PTHLH: variants seen among roughly 807,000 people sequenced by gnomAD.
The protein encoded by PTHLH is parathyroid hormone like hormone, also known as parathyroid hormone-related protein.
Under a neutral mutation model 18.6 loss-of-function variants are expected in PTHLH, and 5 were observed. The ratio of observed to expected loss-of-function variants is 0.27; its 90% confidence interval spans 0.14 to 0.56. The LOEUF (loss-of-function observed/expected upper bound fraction) is 0.56, where lower values mean the gene tolerates loss of function less well. Ranked by LOEUF, PTHLH falls within the 20% of genes least tolerant of loss-of-function variation. The pLI, the probability that PTHLH is intolerant of heterozygous loss-of-function variation, is 0.92. For missense variants in PTHLH, 207 were observed against 223.9 expected, an observed-to-expected ratio of 0.92 and a Z score of 0.48; for synonymous variants, 90 against 94.0, an observed-to-expected ratio of 0.96 and a Z score of 0.25.
chr12:27,958,539 G>C lies in PTHLH; in HGVS notation c.*20C>G. The stretch of plus-strand genomic sequence containing the variant: ...TACAGAATCCTGCAATATGTCCTTG[G>C]AAGGTCTCTGCTGAAAATTTCAATG... On this transcript the variant is annotated 3_prime_UTR_variant, in exon 6 of 6. Transcript: ENST00000545234. 1 of 1,570,338 alleles carries C rather than the reference G, an allele frequency of 6.4e-7. No homozygotes were observed. Among genetic ancestry groups the C allele is most frequent in the Non-Finnish European group, 8.7e-7 (1 of 1,154,952 alleles).
At position 27,970,172 on chromosome 12, in the gene PTHLH, C is replaced by G. The variant is rs867840447; in HGVS notation, c.-170G>C. ...CCGGAGCGGCAGGGAGGCGGCAGCC[C>G]CGCTTCACGGGCGGGGAGACATGCT... On this transcript the variant is annotated 5_prime_UTR_variant, in exon 3 of 6. Coordinates refer to ENST00000545234, the MANE Select transcript of PTHLH (RefSeq NM_198965.2). 1.2e-5 allele frequency: 6 copies of G among 516,208 alleles called. No individual in the cohort carries two copies. The Middle Eastern group carries it at 1.4e-3, about 123-fold the overall frequency. The allele number at this position is 516,208 out of a possible 1,614,324, so 32.0% of individuals were successfully genotyped here.
chr12:27,962,633 A>G (rs967139051), intron 5 of PTHLH: 1 of 985,312 alleles, frequency 1.0e-6, no homozygotes, highest in African/African-American at 1.7e-5. Context: ...TAGAAAAATT[A>G]TTTCATCTTG....
Position 27,970,189 on chromosome 12 carries a change from A to G in PTHLH, c.-187T>C. On this transcript the variant is annotated 5_prime_UTR_variant, in exon 3 of 6. Transcript: ENST00000545234. ...CGGCAGCCCCGCTTCACGGGCGGGG[A>G]GACATGCTGGCCGGGCGGCGCAGGT... 1 of 512,616 alleles carries G rather than the reference A, an allele frequency of 2.0e-6. No homozygotes were observed. The highest frequency in any genetic ancestry group is 2.0e-5 in the Admixed American group (1 of 51,252). The allele number at this position is 512,616 out of a possible 1,614,324, so 31.8% of individuals were successfully genotyped here. A position where few individuals can be genotyped will look rare whatever the true frequency, so the allele number is the denominator to read the frequency against.
At chr12:27,968,004 A>C (rs746500776) in intron 4 of PTHLH, among the ~76,000 whole-genome samples, 2 of 152,242 alleles carry the variant, frequency 1.3e-5, no homozygotes, top group Non-Finnish European at 2.9e-5. Context: ...CCAAATAAAT[A>C]TAGTATTTAA....
chr12:27,960,003 A>G (rs1191531255), intron 5 of PTHLH, among the ~76,000 whole-genome samples: 1 of 152,256 alleles, frequency 6.6e-6, no homozygotes, highest in African/African-American at 2.4e-5. Context: ...CCTCAGAAAG[A>G]AAGAAAAAGA....
intron 4 of PTHLH, among the ~76,000 whole-genome samples, chr12:27,967,824 T>C (rs1218472382): frequency 6.6e-6 from 1 of 152,180 alleles, no homozygotes; most frequent in Non-Finnish European, 1.5e-5. Flanking sequence ...TTTTGTAAGG[T>C]GCAACAAAGA....
chr12:27,964,226 C>A (rs542248347), intron 4 of PTHLH, among the ~76,000 whole-genome samples: 1 of 137,034 alleles, frequency 7.3e-6, no homozygotes, highest in South Asian at 2.5e-4. Flanking sequence ...GCTGCTTTTA[C>A]CTGAGTATTC....
Position 27,970,159 on chromosome 12 carries a change from G to A in PTHLH, c.-157C>T. 2 of 517,350 alleles carry A rather than the reference G, an allele frequency of 3.9e-6. No homozygotes were observed. The highest frequency in any genetic ancestry group is 7.7e-6 in the Non-Finnish European group (2 of 259,382). 32.0% of individuals were successfully genotyped at this position (517,350 alleles called of 1,614,324 possible). A position where few individuals can be genotyped will look rare whatever the true frequency, so the allele number is the denominator to read the frequency against. On this transcript the variant is annotated 5_prime_UTR_variant, in exon 3 of 6. Coordinates refer to ENST00000545234, the MANE Select transcript of PTHLH (RefSeq NM_198965.2). ...TCGTTAGTGGCAGCCGGAGCGGCAGGGAGGCGGCAGCCCCGCTTCACGGGC... is the reference window on the plus strand; with the variant it reads ...TCGTTAGTGGCAGCCGGAGCGGCAGAGAGGCGGCAGCCCCGCTTCACGGGC...
At chr12:27,960,115 A>G (rs987383823) in intron 5 of PTHLH, among the ~76,000 whole-genome samples, 3 of 152,204 alleles carry the variant, frequency 2.0e-5, no homozygotes, top group African/African-American at 7.2e-5. Flanking sequence ...AGAGGCATGT[A>G]TTGGAATAGC....
intron 5 of PTHLH, chr12:27,961,668 A>G (rs1467598333): frequency 2.7e-6 from 1 of 366,876 alleles, no homozygotes; most frequent in African/African-American, 2.1e-5. Flanking sequence ...TTAGAGATCC[A>G]TTAGATGTTT....
intron 5 of PTHLH, among the ~76,000 whole-genome samples, chr12:27,960,943 C>T (rs2062747921): frequency 1.3e-5 from 2 of 151,984 alleles, no homozygotes. Flanking sequence ...CTCATCAATA[C>T]ACTCCTAAGC....
chr12:27,970,140 G>A lies in PTHLH; in HGVS notation c.-138C>T. ...AGGTGGCGGCGAGGGCGGGTCGTTAGTGGCAGCCGGAGCGGCAGGGAGGCG... is the reference window on the plus strand; with the variant it reads ...AGGTGGCGGCGAGGGCGGGTCGTTAATGGCAGCCGGAGCGGCAGGGAGGCG... On this transcript the variant is annotated 5_prime_UTR_variant, in exon 3 of 6. Transcript: ENST00000545234. 1 of 518,468 alleles carries A rather than the reference G, an allele frequency of 1.9e-6. No individual in the cohort carries two copies. Among genetic ancestry groups the A allele is most frequent in the South Asian group, 1.4e-5 (1 of 71,608 alleles). 32.1% of individuals were successfully genotyped at this position (518,468 alleles called of 1,614,324 possible).
intron 5 of PTHLH, among the ~76,000 whole-genome samples, chr12:27,961,297 ATACGTATATATATATATATATATACG>A (rs1038478947): frequency 2.5e-4 from 3 of 12,110 alleles, no homozygotes; most frequent in Non-Finnish European, 5.3e-4. Flanking sequence ...GTATATATAT[ATACGTATATATATATATATATATACG>A]TATATATATA....
rs189814310 is a variant in PTHLH at position 27,958,482 on chromosome 12, A to C, written c.*77T>G. 5.3e-3 allele frequency: 7,270 copies of C among 1,370,246 alleles called. 38 individuals carry two copies. The highest frequency in any genetic ancestry group is 7.0e-3 in the South Asian group (494 of 70,432). The allele number at this position is 1,370,246 out of a possible 1,614,324, so 84.9% of individuals were successfully genotyped here. On this transcript the variant is annotated 3_prime_UTR_variant, in exon 6 of 6. Transcript: ENST00000545234. ...GCATTTACAGTATTTACAGACAATA[A>C]ATATTTCTAATACTTTCCATATGTT...
chr12:27,970,828 G>A (rs1432170721), intron 2 of PTHLH, among the ~76,000 whole-genome samples: 2 of 152,214 alleles, frequency 1.3e-5, no homozygotes, highest in Admixed American at 1.3e-4. Flanking sequence ...AGCTCGCCTG[G>A]CAGCTCGGGG....
chr12:27,969,342 C>T (rs1004915304), intron 4 of PTHLH, 52 bp downstream of exon 4: 1 of 1,504,650 alleles, frequency 6.6e-7, no homozygotes, highest in African/African-American at 1.4e-5. Flanking sequence ...GCTTGGCAGC[C>T]CCTCCCCCTG....
At chr12:27,960,717 CAAAAAAA>C (rs146277675) in intron 5 of PTHLH, among the ~76,000 whole-genome samples, 1 of 96,122 alleles carries the variant, frequency 1.0e-5, no homozygotes, top group African/African-American at 4.0e-5. Context: ...GACTCTGTCT[CAAAAAAA>C]AAAAAAAAAA....
chr12:27,961,276 C>CAT (rs1555124058), intron 5 of PTHLH, among the ~76,000 whole-genome samples: 2 of 52,754 alleles, frequency 3.8e-5, no homozygotes, highest in African/African-American at 1.4e-4. Flanking sequence ...TTTTATAACT[C>CAT]ATATATATAC....
chr12:27,966,846 G>A (rs181543332), intron 4 of PTHLH, among the ~76,000 whole-genome samples: 255 of 152,226 alleles, frequency 1.7e-3, no homozygotes, highest in African/African-American at 6.0e-3. Flanking sequence ...AGATTTCTAA[G>A]GAACTATCAA....
Sources: allele counts gnomAD v4.1 joint callset (sites outside exome capture counted in the v4.1 genomes callset), GRCh38; gene constraint gnomAD v4.1.1; transcripts MANE v1.5; gene names NCBI Gene and HGNC (gene_info 2026-07-23, HGNC 2026-07-21).